Variants in THADA observed in about 807,000 individuals in gnomAD.
The protein encoded by THADA is tRNA (32-2'-O)-methyltransferase regulator THADA.
THADA carries 213 observed loss-of-function variants against 219.8 expected under a neutral mutation model. The observed-to-expected ratio is 0.97, with a 90% CI of 0.87 to 1.09. The LOEUF is 1.09. Among genes scored for constraint, THADA ranks in the 50% least tolerant of loss-of-function variants. THADA has a pLI of 0.00. For synonymous variants in THADA, 1,018 were observed against 828.9 expected (o/e 1.23, Z -3.92); for missense variants, 2,956 against 2,311.3 (o/e 1.28, Z -5.72).
chr2:43,383,331 T>A (rs940433958), intron 29 of THADA, among the ~76,000 whole-genome samples: 1 of 152,296 alleles, frequency 6.6e-6, no homozygotes, highest in East Asian at 1.9e-4. Flanking sequence ...CTGCCGTCCA[T>A]GAGTTCACCA....
chr2:43,357,026 G>A (rs1668940997), intron 29 of THADA, among the ~76,000 whole-genome samples: 1 of 152,208 alleles, frequency 6.6e-6, no homozygotes, highest in Non-Finnish European at 1.5e-5. Context: ...CTTTGTGCTA[G>A]TAATTCACAT....
intron 26 of THADA, among the ~76,000 whole-genome samples, chr2:43,431,019 G>A (rs542022523): frequency 6.6e-6 from 1 of 152,244 alleles, no homozygotes; most frequent in Non-Finnish European, 1.5e-5. Flanking sequence ...AACTTCTCTT[G>A]AACTACGAAA....
chr2:43,485,864 CAAA>C (rs113474710), intron 25 of THADA, among the ~76,000 whole-genome samples: 1 of 134,562 alleles, frequency 7.4e-6, no homozygotes. Context: ...ACCCCCATCT[CAAA>C]AAAAAAAAAA....
intron 26 of THADA, among the ~76,000 whole-genome samples, chr2:43,475,958 G>A (rs1304113487): frequency 1.3e-5 from 2 of 152,194 alleles, no homozygotes; most frequent in Non-Finnish European, 2.9e-5. Flanking sequence ...TAGCACACAT[G>A]ATTAGTTGCC....
chr2:43,566,925 AAAAAT>A (rs1384426662), intron 14 of THADA, 104 bp from the exon 15 acceptor site: 20 of 823,358 alleles, frequency 2.4e-5, no homozygotes, highest in Non-Finnish European at 3.2e-5. Context: ...TTTTCAATTT[AAAAAT>A]AAAACATTTC....
At position 43,535,675 on chromosome 2, in the gene THADA, CAAAAAAAAAAAAA is replaced by C. The variant is rs1177702416; in HGVS notation, c.3264+5471_3264+5483del. ...CAAGCCTGGGCGACACAGCGAGACT[CAAAAAAAAAAAAA>C]AAAAAAAAAAAAGAAAAAATCTTTT... On this transcript the variant is annotated intron_variant, in intron 21 of 37. Transcript: ENST00000405975. Among the ~76,000 whole-genome samples, 11 of 30,372 alleles carry C rather than the reference CAAAAAAAAAAAAA, an allele frequency of 3.6e-4. 1 individual carries two copies. The East Asian group carries it at 6.1e-3, about 17-fold the overall frequency. 19.9% of individuals were successfully genotyped at this position (30,372 alleles called of 152,430 possible).
chr2:43,386,481 G>A (rs576780344), intron 29 of THADA, among the ~76,000 whole-genome samples: 3 of 151,878 alleles, frequency 2.0e-5, no homozygotes, highest in South Asian at 2.1e-4. Context: ...GCTTTTAAAG[G>A]TCTTATTTGT....
chr2:43,485,420 T>C, intron 25 of THADA, 95 bp from the exon 26 acceptor site: 1 of 862,452 alleles, frequency 1.2e-6, no homozygotes, highest in Non-Finnish European at 1.9e-6. Flanking sequence ...AATCATTACC[T>C]AACTGGCTAG....
Position 43,338,115 on chromosome 2 carries a change from T to C in THADA, c.4343+6007A>G, listed in dbSNP as rs557462127. ...TTTTTGAGTGTACAGTTTGCTAGTGTTAAGCACATCCATATTGTTGTGTAA... is the reference window on the plus strand; with the variant it reads ...TTTTTGAGTGTACAGTTTGCTAGTGCTAAGCACATCCATATTGTTGTGTAA... On this transcript the variant is annotated intron_variant, in intron 30 of 37. Transcript: ENST00000405975. Among the ~76,000 whole-genome samples, 8 of 152,166 alleles carry C rather than the reference T, an allele frequency of 5.3e-5. No homozygotes were observed. The East Asian group carries it at 1.5e-3, about 29-fold the overall frequency.
At chr2:43,382,298 T>G (rs557251777) in intron 29 of THADA, among the ~76,000 whole-genome samples, 6 of 152,320 alleles carry the variant, frequency 3.9e-5, no homozygotes, top group Admixed American at 2.6e-4. Context: ...TAACGTAAGA[T>G]AGTAACAATA....
intron 34 of THADA, among the ~76,000 whole-genome samples, chr2:43,290,255 A>T (rs1317524216): frequency 6.6e-6 from 1 of 151,388 alleles, no homozygotes; most frequent in Non-Finnish European, 1.5e-5. Context: ...TACAGGTGTG[A>T]ACCACCATGT....
At chr2:43,288,791 C>G (rs560705714) in intron 34 of THADA, among the ~76,000 whole-genome samples, 44 of 152,336 alleles carry the variant, frequency 2.9e-4, no homozygotes, top group African/African-American at 1.1e-3. Flanking sequence ...AACAGTTTTA[C>G]TGAGATACAG....
chr2:43,411,724 C>A (rs571111873), intron 28 of THADA, among the ~76,000 whole-genome samples: 1 of 152,214 alleles, frequency 6.6e-6, no homozygotes, highest in South Asian at 2.1e-4. Flanking sequence ...CACCTATACC[C>A]TGCCACTAAT....
Position 43,485,245 on chromosome 2 carries a change from G to C in THADA, c.3825C>G (p.Ser1275=), listed in dbSNP as rs1686768311. ...TAAATGGAGCTTACCTATTTGTTTT[G>C]GAATGTTCATCCTTTGCCCTTTTAA... ...FGVKRAKDEH[S]KTNRMTGREF... The change falls in exon 26 of 38, where the codon TCC becomes TCG. Residue 1275 remains serine, a synonymous_variant. Coordinates refer to ENST00000405975, the MANE Select transcript of THADA (RefSeq NM_022065.5). The C allele has an allele frequency of 6.2e-7, 1 of 1,610,704 alleles. No homozygotes were observed. Among genetic ancestry groups the C allele is most frequent in the Non-Finnish European group, 8.5e-7 (1 of 1,177,592 alleles).
intron 36 of THADA, among the ~76,000 whole-genome samples, chr2:43,261,585 C>CAA (rs1163297060): frequency 6.6e-6 from 1 of 151,172 alleles, no homozygotes; most frequent in African/African-American, 2.4e-5. Flanking sequence ...CTCAGCCTCC[C>CAA]AAGTAGGTGG....
At chr2:43,332,152 C>T (rs2104500548) in intron 30 of THADA, among the ~76,000 whole-genome samples, 1 of 152,336 alleles carries the variant, frequency 6.6e-6, no homozygotes, top group Middle Eastern at 3.4e-3. Context: ...GTGGCACGAT[C>T]TTGGCTCACT....
intron 26 of THADA, among the ~76,000 whole-genome samples, chr2:43,464,351 G>C (rs1045516926): frequency 3.3e-5 from 5 of 151,978 alleles, no homozygotes; most frequent in Non-Finnish European, 5.9e-5. Context: ...GAAGTAGAAG[G>C]AAAAACAAGT....
At chr2:43,286,574 C>T (rs931498796) in intron 35 of THADA, among the ~76,000 whole-genome samples, 1 of 151,996 alleles carries the variant, frequency 6.6e-6, no homozygotes, top group East Asian at 1.9e-4. Flanking sequence ...AAACTCATCT[C>T]TACTAAAAAT....
intron 36 of THADA, among the ~76,000 whole-genome samples, chr2:43,252,932 A>T (rs1669949124): frequency 6.6e-6 from 1 of 152,048 alleles, no homozygotes; most frequent in Admixed American, 6.6e-5. Context: ...CTCCTAACTG[A>T]TCCTCTATAT....
Sources: allele counts gnomAD v4.1 joint callset (sites outside exome capture counted in the v4.1 genomes callset), GRCh38; gene constraint gnomAD v4.1.1; transcripts MANE v1.5; gene names NCBI Gene and HGNC (gene_info 2026-07-23, HGNC 2026-07-21).